CDC123: variants seen among roughly 807,000 people sequenced by gnomAD.
The protein encoded by CDC123 is translation initiation factor eIF2 assembly protein.
Under a neutral mutation model 54.4 loss-of-function variants are expected in CDC123, and 37 were observed. The ratio of observed to expected loss-of-function variants is 0.68; its 90% CI spans 0.52 to 0.89. The LOEUF (loss-of-function observed/expected upper bound fraction) is 0.89. CDC123 is among the 40% of genes least tolerant of loss of function. CDC123 has a pLI of 0.00. For missense variants in CDC123, 361 were observed against 412.1 expected (o/e 0.88, Z 1.07); for synonymous variants, 144 against 136.8 (o/e 1.05, Z -0.37).
At chr10:12,225,135 C>G (rs1193813870) in intron 6 of CDC123, among the ~76,000 whole-genome samples, 1 of 152,192 alleles carries the variant, frequency 6.6e-6, no homozygotes, top group South Asian at 2.1e-4. Flanking sequence ...TGGCTCACAT[C>G]TGTAATCCCA....
intron 1 of CDC123, among the ~76,000 whole-genome samples, chr10:12,197,778 A>G (rs576273307): frequency 6.2e-4 from 94 of 152,302 alleles, no homozygotes; most frequent in Non-Finnish European, 1.1e-3. Context: ...GTGCAGTGGC[A>G]GTGATCTTTT....
rs772977572 is a variant in CDC123, at chr10:12,250,440, G to A, written c.*103G>A. 5.8e-6 allele frequency: 5 copies of A among 866,182 alleles called. No homozygotes were observed. The highest frequency in any genetic ancestry group is 4.0e-6 in the Non-Finnish European group (2 of 499,674). 53.7% of individuals were successfully genotyped at this position (866,182 alleles called of 1,614,324 possible). A position where few individuals can be genotyped will look rare whatever the true frequency, so the allele number is the denominator to read the frequency against. ...GACCCTGATGCGGGTGGGCCGAGCAGTGTGGACATCAGCCACTTTTTATAT... is the reference window on the plus strand; with the variant it reads ...GACCCTGATGCGGGTGGGCCGAGCAATGTGGACATCAGCCACTTTTTATAT... On this transcript the variant is annotated 3_prime_UTR_variant, in exon 13 of 13. Coordinates refer to ENST00000281141, the MANE Select transcript of CDC123 (RefSeq NM_006023.3).
At chr10:12,202,676 G>T (rs750362422) in intron 2 of CDC123, among the ~76,000 whole-genome samples, 4 of 152,212 alleles carry the variant, frequency 2.6e-5, no homozygotes, top group African/African-American at 9.7e-5. Context: ...AGAGCAGCTC[G>T]CAGAACTGAG....
At chr10:12,222,832 C>T (rs1053812936) in intron 6 of CDC123, among the ~76,000 whole-genome samples, 2 of 151,986 alleles carry the variant, frequency 1.3e-5, no homozygotes, top group African/African-American at 4.8e-5. Flanking sequence ...TGGCTCACTG[C>T]ACCCTCTGCC....
chr10:12,211,556 A>G (rs1835601364), intron 4 of CDC123, among the ~76,000 whole-genome samples: 1 of 152,256 alleles, frequency 6.6e-6, no homozygotes, highest in Non-Finnish European at 1.5e-5. Context: ...ATTCAGTGTC[A>G]TGTAAATGTT....
chr10:12,210,349 G>T (rs771134969), intron 4 of CDC123, 27 bp downstream of exon 4: 1 of 1,613,746 alleles, frequency 6.2e-7, no homozygotes, highest in South Asian at 1.1e-5. Flanking sequence ...CTCAGCGTGG[G>T]GACAGCCTCA....
At chr10:12,211,351 A>G (rs78749555) in intron 4 of CDC123, among the ~76,000 whole-genome samples, 3,110 of 152,270 alleles carry the variant, frequency 0.02, 104 homozygotes, top group African/African-American at 0.071. Flanking sequence ...TCTAGATAAG[A>G]AGATACTTGT....
intron 4 of CDC123, among the ~76,000 whole-genome samples, chr10:12,213,960 G>T (rs370337884): frequency 5.3e-4 from 80 of 152,314 alleles, no homozygotes; most frequent in African/African-American, 1.9e-3. Context: ...TTGCCAAGTT[G>T]TAAAGTAGCT....
intron 2 of CDC123, among the ~76,000 whole-genome samples, chr10:12,203,553 C>A (rs1027438224): frequency 6.6e-6 from 1 of 152,072 alleles, no homozygotes; most frequent in Non-Finnish European, 1.5e-5. Context: ...GTTTGATTCT[C>A]GTTGCCTGCT....
chr10:12,227,911 ATAAT>A (rs1835848858), intron 6 of CDC123, among the ~76,000 whole-genome samples: 1 of 152,198 alleles, frequency 6.6e-6, no homozygotes, highest in Non-Finnish European at 1.5e-5. Context: ...AAGGATAAAA[ATAAT>A]TAGTTAATTT....
intron 10 of CDC123, among the ~76,000 whole-genome samples, chr10:12,244,374 G>T (rs925174996): frequency 6.6e-6 from 1 of 152,240 alleles, no homozygotes; most frequent in Non-Finnish European, 1.5e-5. Context: ...TAAACCTTTC[G>T]AGGAAACATC....
At chr10:12,203,911 A>G (rs1835478960) in intron 2 of CDC123, among the ~76,000 whole-genome samples, 1 of 151,944 alleles carries the variant, frequency 6.6e-6, no homozygotes, top group Non-Finnish European at 1.5e-5. Context: ...TGGCCAACAT[A>G]GTGGGGCCCC....
chr10:12,216,055 A>G (rs1835659262), intron 5 of CDC123, among the ~76,000 whole-genome samples: 1 of 152,188 alleles, frequency 6.6e-6, no homozygotes, highest in Non-Finnish European at 1.5e-5. Flanking sequence ...GGTAGTTTCC[A>G]CGTCTTGTGT....
chr10:12,231,700 TAGTA>T (rs1835904309), intron 7 of CDC123, among the ~76,000 whole-genome samples: 1 of 150,996 alleles, frequency 6.6e-6, no homozygotes, highest in Non-Finnish European at 1.5e-5. Context: ...AGTTTAAACA[TAGTA>T]AGCCTCAATT....
intron 1 of CDC123, 135 bp from the exon 2 acceptor site, chr10:12,198,570 C>T: frequency 1.6e-6 from 1 of 644,814 alleles, no homozygotes; most frequent in Non-Finnish European, 2.8e-6. Flanking sequence ...CTACTGCTAC[C>T]AAATGTACAT....
chr10:12,213,888 A>G (rs375040051), intron 4 of CDC123, among the ~76,000 whole-genome samples: 1 of 152,152 alleles, frequency 6.6e-6, no homozygotes, highest in African/African-American at 2.4e-5. Flanking sequence ...GACCTCTTCC[A>G]GATGAGATAG....
intron 7 of CDC123, among the ~76,000 whole-genome samples, chr10:12,233,188 A>G (rs1017091152): frequency 4.6e-5 from 7 of 151,942 alleles, no homozygotes; most frequent in African/African-American, 1.7e-4. Context: ...TTAAAATTGT[A>G]GGAAAGTGAT....
intron 4 of CDC123, among the ~76,000 whole-genome samples, chr10:12,213,312 T>C (rs1410690331): frequency 2.6e-5 from 4 of 152,212 alleles, no homozygotes; most frequent in Admixed American, 1.3e-4. Flanking sequence ...CCTGATACGA[T>C]GCATGGGAAG....
At chr10:12,233,868 TGA>T (rs1182606371) in intron 7 of CDC123, among the ~76,000 whole-genome samples, 3 of 151,948 alleles carry the variant, frequency 2.0e-5, no homozygotes, top group African/African-American at 7.2e-5. Context: ...TATTAGTATA[TGA>T]GAGTTTATAT....
Sources: gnomAD v4.1 joint callset for allele counts (sites outside exome capture counted in the v4.1 genomes callset) on GRCh38, gnomAD v4.1.1 for gene constraint, MANE v1.5 for transcripts, NCBI Gene and HGNC (gene_info 2026-07-23, HGNC 2026-07-21) for gene names.